The following PLEKHG1 variants were observed in gnomAD, a reference collection of about 807,000 sequenced individuals.
PLEKHG1 encodes the protein pleckstrin homology domain-containing family G member 1.
PLEKHG1 carries 44 observed loss-of-function variants against 100.8 expected under a neutral mutation model. The observed-to-expected ratio is 0.44, with a 90% CI of 0.34 to 0.56. The LOEUF (loss-of-function observed/expected upper bound fraction) is 0.56, where lower values mean the gene tolerates loss of function less well. PLEKHG1 is among the 20% of genes least tolerant of loss of function. PLEKHG1 has a pLI of 0.01. For missense variants in PLEKHG1, 1,545 were observed against 1,720.9 expected (o/e 0.90, Z 1.81); for synonymous variants, 640 against 662.5 (o/e 0.97, Z 0.52).
chr6:150,799,146 C>A (rs1431599012), intron 5 of PLEKHG1, among the ~76,000 whole-genome samples: 2 of 152,082 alleles, frequency 1.3e-5, no homozygotes, highest in Non-Finnish European at 2.9e-5. Flanking sequence ...ATGTCCATTT[C>A]TTGCCCAATT....
intron 1 of PLEKHG1, among the ~76,000 whole-genome samples, chr6:150,636,876 A>G (rs1778027037): frequency 1.3e-5 from 2 of 152,186 alleles, no homozygotes; most frequent in Non-Finnish European, 2.9e-5. Flanking sequence ...CTTGTCTCCA[A>G]CTTATTTCTT....
intron 3 of PLEKHG1, 119 bp from the exon 5 acceptor site, chr6:150,786,271 T>G: frequency 1.5e-6 from 1 of 687,662 alleles, no homozygotes; most frequent in Non-Finnish European, 2.5e-6. Context: ...GATCCTCAGT[T>G]ATCCAATTAT....
exon 16 of PLEKHG1, chr6:150,841,952 T>C (rs879152466): frequency 1.3e-5 from 2 of 152,236 alleles, no homozygotes; most frequent in South Asian, 4.1e-4. Context: ...TTTCCTAAAC[T>C]ACACATAACA....
At chr6:150,779,087 G>T (rs1785150184) in intron 3 of PLEKHG1, among the ~76,000 whole-genome samples, 1 of 152,110 alleles carries the variant, frequency 6.6e-6, no homozygotes, top group Non-Finnish European at 1.5e-5. Flanking sequence ...TGTGACCTAA[G>T]GTAAGCTACA....
intron 15 of PLEKHG1, among the ~76,000 whole-genome samples, chr6:150,835,545 C>T (rs1777180056): frequency 2.6e-5 from 4 of 152,176 alleles, no homozygotes. Flanking sequence ...CAGAGACATT[C>T]TTGCGATTGT....
intron 11 of PLEKHG1, 36 bp downstream of exon 12, chr6:150,818,252 A>T (rs748993349): frequency 2.4e-5 from 35 of 1,438,478 alleles, no homozygotes; most frequent in Non-Finnish European, 3.0e-5. Flanking sequence ...TTGAAATTTC[A>T]TTGTCTGTTT....
intron 3 of PLEKHG1, among the ~76,000 whole-genome samples, chr6:150,705,668 T>C (rs1052773939): frequency 2.6e-5 from 4 of 152,240 alleles, no homozygotes; most frequent in African/African-American, 9.6e-5. Flanking sequence ...TTCTTCCTCA[T>C]GAGGATTAGG....
chr6:150,829,608 G>A (rs578186479), intron 14 of PLEKHG1, among the ~76,000 whole-genome samples: 20 of 152,084 alleles, frequency 1.3e-4, no homozygotes, highest in East Asian at 1.9e-4. Flanking sequence ...CAGCCTGGGC[G>A]ACAGAGCGAG....
At chr6:150,812,969 A>G (rs1331284275) in intron 10 of PLEKHG1, among the ~76,000 whole-genome samples, 1 of 152,166 alleles carries the variant, frequency 6.6e-6, no homozygotes, top group African/African-American at 2.4e-5. Context: ...GAGTGAGTGA[A>G]GCAGAGAGCA....
Position 150,775,745 on chromosome 6 carries a change from C to T in PLEKHG1, c.512+7007C>T, listed in dbSNP as rs575140792. Reference sequence around the variant, plus strand: ...ATTTAAGTAGTGAAATCATGGGATTCGTACAACAGCAAGGCAAAGGAAGGT... The same window carrying T: ...ATTTAAGTAGTGAAATCATGGGATTTGTACAACAGCAAGGCAAAGGAAGGT... On this transcript the variant is annotated intron_variant, in intron 3 of 15. Coordinates refer to ENST00000358517, the Ensembl canonical transcript of PLEKHG1. Among the ~76,000 whole-genome samples, 394 of 152,282 alleles carry T rather than the reference C, an allele frequency of 2.6e-3. 2 individuals are homozygous for T. Among genetic ancestry groups the T allele is most frequent in the Non-Finnish European group, 4.8e-3 (327 of 68,034 alleles).
chr6:150,606,295 CA>C, intron 1 of PLEKHG1, among the ~76,000 whole-genome samples: 1 of 152,134 alleles, frequency 6.6e-6, no homozygotes, highest in Non-Finnish European at 1.5e-5. Flanking sequence ...ACATAAATGC[CA>C]TCTGAAGGGC....
At chr6:150,834,728 G>A (rs75472997) in intron 15 of PLEKHG1, among the ~76,000 whole-genome samples, 22 of 152,180 alleles carry the variant, frequency 1.4e-4, no homozygotes, top group African/African-American at 3.6e-4. Flanking sequence ...TCAGCTTTGC[G>A]TCTGGGTCCT....
intron 1 of PLEKHG1, among the ~76,000 whole-genome samples, chr6:150,729,954 AC>A (rs1413001246): frequency 2.6e-5 from 4 of 152,144 alleles, no homozygotes; most frequent in African/African-American, 9.7e-5. Flanking sequence ...TAGCAGCCCA[AC>A]CTAGGATCCT....
chr6:150,828,305 A>G (rs1430358945), intron 14 of PLEKHG1: 2 of 1,611,868 alleles, frequency 1.2e-6, no homozygotes, highest in Non-Finnish European at 1.7e-6. Flanking sequence ...AACCCTAAGA[A>G]GCCGATTGAA....
At position 150,824,316 on chromosome 6, in the gene PLEKHG1, T is replaced by C. The variant is rs567724386; in HGVS notation, c.1470+640T>C. ...ACCTGAGTGGTTTGTCCAGTGTGGC[T>C]ACTGATCAGTTGGCTTAATTAACAA... On this transcript the variant is annotated intron_variant, in intron 14 of 15. Coordinates refer to ENST00000358517, the Ensembl canonical transcript of PLEKHG1. Among the ~76,000 whole-genome samples, 358 of 152,332 alleles carry C rather than the reference T, an allele frequency of 2.4e-3. 3 individuals are homozygous for C. Among genetic ancestry groups the C allele is most frequent in the African/African-American group, 7.9e-3 (329 of 41,574 alleles).
intron 2 of PLEKHG1, among the ~76,000 whole-genome samples, chr6:150,766,859 T>C (rs140549667): frequency 2.0e-5 from 3 of 152,216 alleles, no homozygotes; most frequent in African/African-American, 7.2e-5. Context: ...ATTCTCTCTT[T>C]AAGCCCCACT....
At chr6:150,778,834 AC>A (rs1785135495) in intron 3 of PLEKHG1, among the ~76,000 whole-genome samples, 2 of 152,166 alleles carry the variant, frequency 1.3e-5, no homozygotes, top group South Asian at 4.1e-4. Context: ...CTTTACTAGT[AC>A]CATTTTTATT....
chr6:150,806,070 A>T (rs770406752), intron 7 of PLEKHG1, among the ~76,000 whole-genome samples: 3 of 152,080 alleles, frequency 2.0e-5, no homozygotes, highest in Non-Finnish European at 4.4e-5. Context: ...CACTATACAG[A>T]GTGGCCTTGC....
chr6:150,759,727 G>A (rs753481715), intron 2 of PLEKHG1, among the ~76,000 whole-genome samples: 2 of 152,162 alleles, frequency 1.3e-5, no homozygotes, highest in African/African-American at 4.8e-5. Flanking sequence ...GATGATTGCC[G>A]GGTGTGGTAG....
Sources: gnomAD v4.1 joint callset for allele counts (sites outside exome capture counted in the v4.1 genomes callset) on GRCh38, gnomAD v4.1.1 for gene constraint, MANE v1.5 for transcripts, NCBI Gene and HGNC (gene_info 2026-07-23, HGNC 2026-07-21) for gene names.